Variants in LCORL observed in about 807,000 individuals in gnomAD.
The protein encoded by LCORL is ligand-dependent nuclear receptor corepressor-like protein.
In LCORL, 41 loss-of-function variants were observed where a neutral mutation model predicts 141.8. That is an observed-to-expected ratio of 0.29 (90% CI 0.23 to 0.38). The LOEUF (loss-of-function observed/expected upper bound fraction) is 0.38. Among genes scored for constraint, LCORL ranks in the 10% least tolerant of loss-of-function variants. LCORL has a pLI of 1.00. For synonymous variants in LCORL, 618 were observed against 694.1 expected (o/e 0.89, Z 1.72); for missense variants, 1,759 against 2,035.0 (o/e 0.86, Z 2.61).
Position 17,982,743 on chromosome 4 carries a change from T to C in LCORL, c.155-9858A>G, listed in dbSNP as rs192011333. On this transcript the variant is annotated intron_variant, in intron 1 of 7. Transcript: ENST00000635767. Reference sequence around the variant, plus strand: ...TTGTCTCTTTATTCTGTTGACAGTTTCTTTTGCTGTGCAGAAGCTCTTTAA... The same window carrying C: ...TTGTCTCTTTATTCTGTTGACAGTTCCTTTTGCTGTGCAGAAGCTCTTTAA... 1.5e-4 allele frequency among the ~76,000 whole-genome samples: 23 copies of C among 152,364 alleles called. No homozygotes were observed. The East Asian group carries it at 4.4e-3, about 29-fold the overall frequency.
intron 1 of LCORL, among the ~76,000 whole-genome samples, chr4:18,016,729 AATG>A (rs551321752): frequency 6.6e-6 from 1 of 152,144 alleles, no homozygotes; most frequent in Non-Finnish European, 1.5e-5. Flanking sequence ...ATGCTTTTTA[AATG>A]TGGTTATTAG....
chr4:17,911,910 C>T (rs373877672), intron 4 of LCORL: 110 of 511,540 alleles, frequency 2.2e-4, no homozygotes, highest in Non-Finnish European at 3.7e-4. Flanking sequence ...GCATCCAGAA[C>T]GAGGAGGAGA....
exon 7 of LCORL, chr4:17,874,859 G>A: frequency 8.1e-7 from 1 of 1,233,744 alleles, no homozygotes; most frequent in Non-Finnish European, 1.0e-6. Flanking sequence ...TCATCTTTGA[G>A]TGCCTATGTT....
At chr4:17,849,468 G>A (rs1168777886) in intron 7 of LCORL, among the ~76,000 whole-genome samples, 1 of 152,200 alleles carries the variant, frequency 6.6e-6, no homozygotes, top group Non-Finnish European at 1.5e-5. Flanking sequence ...TGAGGGTCCT[G>A]TCTGTTAGAA....
chr4:17,936,308 T>C (rs139351052), intron 4 of LCORL, among the ~76,000 whole-genome samples: 121 of 144,018 alleles, frequency 8.4e-4, no homozygotes, highest in African/African-American at 3.0e-3. Flanking sequence ...TCAGGACCAC[T>C]AGAATTTTGG....
chr4:17,910,164 T>C (rs560888797), intron 4 of LCORL, among the ~76,000 whole-genome samples: 5 of 152,316 alleles, frequency 3.3e-5, no homozygotes, highest in African/African-American at 1.2e-4. Flanking sequence ...CTGAAACTTA[T>C]ATAATTGGTA....
rs1725604825 is a variant in LCORL at position 18,021,651 on chromosome 4, CTT to C, written c.99_100del (p.Gly35IlefsTer19). ...AGAGTCGAGTTCCCGCCGGAATCCTCTTCTCTCCGCCGCGCACCGAGGGCTCC... is the reference window on the plus strand; with the variant it reads ...AGAGTCGAGTTCCCGCCGGAATCCTCCTCTCCGCCGCGCACCGAGGGCTCC... On this transcript the variant is annotated frameshift_variant, in exon 1 of 8. Coordinates refer to ENST00000635767, the Ensembl canonical transcript of LCORL. LOFTEE classifies it high-confidence loss of function. This position sits in a 1 kb window ranked among gnomAD's most constrained non-coding sequence, Gnocchi z 5.5. 1 of 1,546,240 alleles carries C rather than the reference CTT, an allele frequency of 6.5e-7. No homozygotes were observed. The highest frequency in any genetic ancestry group is 8.7e-7 in the Non-Finnish European group (1 of 1,145,256).
intron 1 of LCORL, among the ~76,000 whole-genome samples, chr4:17,980,235 T>C (rs540772924): frequency 1.6e-4 from 24 of 152,352 alleles, no homozygotes; most frequent in African/African-American, 4.1e-4. Context: ...AGTTCCTTGA[T>C]TGACTCAGGG....
At chr4:17,894,616 A>G (rs868339950) in intron 5 of LCORL, among the ~76,000 whole-genome samples, 1 of 152,340 alleles carries the variant, frequency 6.6e-6, no homozygotes, top group Non-Finnish European at 1.5e-5. Context: ...AGCTTAATAG[A>G]AAACAGCTGA....
At chr4:17,869,848 T>C (rs1726124459) in intron 7 of LCORL, among the ~76,000 whole-genome samples, 1 of 152,152 alleles carries the variant, frequency 6.6e-6, no homozygotes, top group African/African-American at 2.4e-5. Context: ...CATTCTATCT[T>C]AGTAGATCTT....
chr4:17,921,028 T>C (rs915931901), intron 4 of LCORL, among the ~76,000 whole-genome samples: 4 of 152,168 alleles, frequency 2.6e-5, no homozygotes, highest in Non-Finnish European at 5.9e-5. Context: ...TTTTTTAATT[T>C]ATTTTTTATT....
intron 5 of LCORL, among the ~76,000 whole-genome samples, chr4:17,891,072 A>C (rs909312290): frequency 6.6e-6 from 1 of 152,162 alleles, no homozygotes. Flanking sequence ...GCTAGAAAAT[A>C]TTAGTAACTT....
intron 6 of LCORL, among the ~76,000 whole-genome samples, chr4:17,879,302 T>C (rs1459304584): frequency 6.6e-6 from 1 of 151,150 alleles, no homozygotes. Flanking sequence ...ATTTCACTTA[T>C]ATTTTATAAA....
chr4:17,880,630 C>T, intron 6 of LCORL: 1 of 982,870 alleles, frequency 1.0e-6, no homozygotes, highest in Non-Finnish European at 1.2e-6. Flanking sequence ...TTTTCTTTTA[C>T]TGAATGAGTA....
chr4:17,905,047 A>C (rs1731399774), intron 5 of LCORL, among the ~76,000 whole-genome samples: 1 of 152,154 alleles, frequency 6.6e-6, no homozygotes, highest in Non-Finnish European at 1.5e-5. Context: ...GACATAGTTT[A>C]TCCATTTCAT....
chr4:17,959,533 A>C, intron 4 of LCORL, among the ~76,000 whole-genome samples: 1 of 152,120 alleles, frequency 6.6e-6, no homozygotes, highest in East Asian at 1.9e-4. Flanking sequence ...TTTAGTGCTC[A>C]ATCACAACTG....
chr4:17,903,111 C>T (rs1731119437), intron 5 of LCORL, among the ~76,000 whole-genome samples: 1 of 152,062 alleles, frequency 6.6e-6, no homozygotes, highest in African/African-American at 2.4e-5. Context: ...TTTTAGTTAT[C>T]TGTGGCGTCT....
intron 7 of LCORL, among the ~76,000 whole-genome samples, chr4:17,849,247 C>G (rs1288888025): frequency 6.6e-6 from 1 of 152,216 alleles, no homozygotes; most frequent in Non-Finnish European, 1.5e-5. Context: ...GTCCCTGACC[C>G]CCGAGCAGCC....
At chr4:18,004,465 C>G (rs944763224) in intron 1 of LCORL, among the ~76,000 whole-genome samples, 1 of 152,034 alleles carries the variant, frequency 6.6e-6, no homozygotes, top group African/African-American at 2.4e-5. Flanking sequence ...TTTTTAAAAC[C>G]GTCCGATCTC....
Sources: gnomAD v4.1 joint callset for allele counts (sites outside exome capture counted in the v4.1 genomes callset) on GRCh38, gnomAD v4.1.1 for gene constraint, Gnocchi (gnomAD v3.1) non-coding constraint, MANE v1.5 for transcripts, NCBI Gene and HGNC (gene_info 2026-07-23, HGNC 2026-07-21) for gene names.